The following SSBP2 variants were observed in gnomAD, a reference collection of about 807,000 sequenced individuals.
The protein encoded by SSBP2 is single stranded DNA binding protein 2, also known as single-stranded DNA-binding protein 2.
In SSBP2, 17 loss-of-function variants were observed where a neutral mutation model predicts 61.8. That is an observed-to-expected ratio of 0.28 (90% CI 0.19 to 0.41). The LOEUF is 0.41. Ranked by LOEUF, SSBP2 falls within the 10% of genes least tolerant of loss-of-function variation. SSBP2 has a pLI of 1.00. For missense variants in SSBP2, 310 were observed against 458.7 expected (o/e 0.68, Z 2.96); for synonymous variants, 139 against 141.3 (o/e 0.98, Z 0.12).
chr5:81,680,259 C>T (rs1291950963), intron 1 of SSBP2, among the ~76,000 whole-genome samples: 2 of 149,332 alleles, frequency 1.3e-5, no homozygotes, highest in Non-Finnish European at 3.0e-5. Flanking sequence ...ATGAGCCAAT[C>T]CCTCATAATA....
At chr5:81,438,747 T>C (rs1168472214) in intron 14 of SSBP2, among the ~76,000 whole-genome samples, 1 of 152,204 alleles carries the variant, frequency 6.6e-6, no homozygotes, top group East Asian at 1.9e-4. Context: ...TATCATCTTT[T>C]TGTGAATGGT....
At chr5:81,750,892 G>C (rs143572025) in intron 1 of SSBP2, 89 bp downstream of exon 1, 1 of 1,419,664 alleles carries the variant, frequency 7.0e-7, no homozygotes, top group African/African-American at 1.4e-5. Flanking sequence ...CCCGGGCGGA[G>C]AGTGTCTGTG....
intron 1 of SSBP2, among the ~76,000 whole-genome samples, chr5:81,678,091 G>A (rs930101695): frequency 2.0e-5 from 3 of 152,180 alleles, no homozygotes; most frequent in African/African-American, 4.8e-5. Flanking sequence ...GATATGGCAG[G>A]AATGTTAGAA....
In SSBP2 at chr5:81,414,616, C is replaced by T. The variant is rs1275392210; in HGVS notation, c.*5888G>A. 3.9e-5 allele frequency: 6 copies of T among 152,276 alleles called. No homozygotes were observed. The highest frequency in any genetic ancestry group is 1.3e-4 in the Admixed American group (2 of 15,284). The allele number at this position is 152,276 out of a possible 1,614,324, so 9.4% of individuals were successfully genotyped here. On this transcript the variant is annotated 3_prime_UTR_variant, in exon 17 of 17. Coordinates refer to ENST00000320672, the MANE Select transcript of SSBP2 (RefSeq NM_012446.5). ...AAACCACTATAATTACTGTGTAACA[C>T]CTTGTAGTATCAGTGAAGTGGCTGA... is the stretch of plus-strand genomic sequence containing the variant.
chr5:81,660,150 A>G (rs190737633), intron 1 of SSBP2, among the ~76,000 whole-genome samples: 52 of 152,322 alleles, frequency 3.4e-4, no homozygotes, highest in Non-Finnish European at 6.2e-4. Flanking sequence ...AATGGCAACA[A>G]AAGCCAAAAT....
At chr5:81,732,933 A>C (rs1404100551) in intron 1 of SSBP2, among the ~76,000 whole-genome samples, 1 of 152,264 alleles carries the variant, frequency 6.6e-6, no homozygotes, top group Non-Finnish European at 1.5e-5. Context: ...ATTAGAAAAC[A>C]GTACATTTTA....
chr5:81,465,722 A>T (rs752371977), intron 9 of SSBP2, among the ~76,000 whole-genome samples: 6 of 152,038 alleles, frequency 3.9e-5, no homozygotes, highest in Admixed American at 1.3e-4. Flanking sequence ...TCCTATTGGT[A>T]AGAGCTTCAG....
chr5:81,611,050 T>TA (rs1745391838), intron 4 of SSBP2, among the ~76,000 whole-genome samples: 1 of 152,188 alleles, frequency 6.6e-6, no homozygotes, highest in Non-Finnish European at 1.5e-5. Flanking sequence ...GAGCACAAAA[T>TA]AGAGTGTCAC....
rs1761225345 is a variant in SSBP2 at position 81,414,142 on chromosome 5, G to A, written c.*6362C>T. 1 of 152,048 alleles carries A rather than the reference G, an allele frequency of 6.6e-6. No homozygotes were observed. Among genetic ancestry groups the A allele is most frequent in the Non-Finnish European group, 1.5e-5 (1 of 67,980 alleles). The allele number at this position is 152,048 out of a possible 1,614,324, so 9.4% of individuals were successfully genotyped here. ...AACAGATCACAACATTTTAATGACTGGGATAAGCAAAATGAGTCCAACCTT... is the reference window on the plus strand; with the variant it reads ...AACAGATCACAACATTTTAATGACTAGGATAAGCAAAATGAGTCCAACCTT... On this transcript the variant is annotated 3_prime_UTR_variant, in exon 17 of 17. Coordinates refer to ENST00000320672, the MANE Select transcript of SSBP2 (RefSeq NM_012446.5).
At chr5:81,632,095 T>C (rs913902767) in intron 3 of SSBP2, among the ~76,000 whole-genome samples, 1 of 152,214 alleles carries the variant, frequency 6.6e-6, no homozygotes, top group Non-Finnish European at 1.5e-5. Context: ...ATTATTTTTT[T>C]TCTCTTAATA....
At chr5:81,616,467 G>C (rs1424686759) in intron 3 of SSBP2, 3 of 149,866 alleles carry the variant, frequency 2.0e-5, no homozygotes, top group East Asian at 3.9e-4. Flanking sequence ...ACGGAATCTC[G>C]CTGATTGCTA....
At chr5:81,551,612 T>C (rs989724265) in intron 4 of SSBP2, among the ~76,000 whole-genome samples, 1 of 152,164 alleles carries the variant, frequency 6.6e-6, no homozygotes, top group African/African-American at 2.4e-5. Flanking sequence ...TATTACTTAT[T>C]TACTAAAATA....
intron 4 of SSBP2, among the ~76,000 whole-genome samples, chr5:81,583,361 G>A (rs985226613): frequency 1.3e-5 from 2 of 152,036 alleles, no homozygotes; most frequent in Non-Finnish European, 2.9e-5. Flanking sequence ...TGGGCGCAGT[G>A]GCTCACGCTT....
intron 4 of SSBP2, among the ~76,000 whole-genome samples, chr5:81,567,793 C>T (rs1773542715): frequency 1.3e-5 from 2 of 152,192 alleles, no homozygotes; most frequent in Admixed American, 1.3e-4. Flanking sequence ...ATGTGAGACA[C>T]AGAGTCAAAG....
At chr5:81,449,728 ATT>A (rs546816309) in intron 10 of SSBP2, among the ~76,000 whole-genome samples, 176 of 152,262 alleles carry the variant, frequency 1.2e-3, no homozygotes, top group African/African-American at 4.2e-3. Context: ...CTTGATAAAT[ATT>A]TGTTTTTTTG....
intron 2 of SSBP2, among the ~76,000 whole-genome samples, chr5:81,647,985 T>G (rs1287254349): frequency 6.6e-6 from 1 of 152,128 alleles, no homozygotes; most frequent in Non-Finnish European, 1.5e-5. Context: ...ATCTAATATC[T>G]TACAATGTTG....
At position 81,725,261 on chromosome 5, in the gene SSBP2, G is replaced by A. The variant is rs770699892; in HGVS notation, c.62+25720C>T. 2.6e-5 allele frequency among the ~76,000 whole-genome samples: 4 copies of A among 151,914 alleles called. No individual in the cohort carries two copies. In the South Asian group the frequency reaches 6.2e-4, roughly 24 times the overall value. On this transcript the variant is annotated intron_variant, in intron 1 of 16. Coordinates refer to ENST00000320672, the MANE Select transcript of SSBP2 (RefSeq NM_012446.5). ...CTTAAGGAGAACAGAAAACAAATACGTGAAGAGATAACTAACCTCACTAAT... is the reference window on the plus strand; with the variant it reads ...CTTAAGGAGAACAGAAAACAAATACATGAAGAGATAACTAACCTCACTAAT...
chr5:81,691,152 T>A (rs1384861647), intron 1 of SSBP2, among the ~76,000 whole-genome samples: 3 of 151,740 alleles, frequency 2.0e-5, no homozygotes, highest in Non-Finnish European at 4.4e-5. Flanking sequence ...TAACAATGCA[T>A]CTTAAAGAAT....
rs534004942 is a variant in SSBP2, at chr5:81,584,861, A to T, written c.282+30612T>A. Among the ~76,000 whole-genome samples, 48 of 152,278 alleles carry T rather than the reference A, an allele frequency of 3.2e-4. No homozygotes were observed. In the South Asian group the frequency reaches 9.9e-3, roughly 32 times the overall value. ...TAGGATGAGACAGTTGTAATTTTTT[A>T]AATCATGGCCTTAAATACTTCCATA... On this transcript the variant is annotated intron_variant, in intron 4 of 16. Transcript: ENST00000320672.
Sources: allele counts gnomAD v4.1 joint callset (sites outside exome capture counted in the v4.1 genomes callset), GRCh38; gene constraint gnomAD v4.1.1; transcripts MANE v1.5; gene names NCBI Gene and HGNC (gene_info 2026-07-23, HGNC 2026-07-21).